Variants in RASSF8 observed in about 807,000 individuals in gnomAD.
RASSF8 encodes ras association domain-containing protein 8.
Under a neutral mutation model 48.5 loss-of-function variants are expected in RASSF8, and 22 were observed. The observed-to-expected ratio is 0.45, with a 90% CI of 0.32 to 0.65. The LOEUF (loss-of-function observed/expected upper bound fraction) is 0.65. Among genes scored for constraint, RASSF8 ranks in the 30% least tolerant of loss-of-function variants. The probability of loss-of-function intolerance (pLI) is 0.03; values close to 1 mark genes in which losing one functional copy is unlikely to be tolerated. For synonymous variants in RASSF8, 127 were observed against 171.5 expected (o/e 0.74, Z 2.03); for missense variants, 418 against 489.2 (o/e 0.85, Z 1.37).
intron 2 of RASSF8, among the ~76,000 whole-genome samples, chr12:26,052,283 T>TC (rs1246968365): frequency 6.6e-6 from 1 of 152,220 alleles, no homozygotes; most frequent in Non-Finnish European, 1.5e-5. Context: ...GTAATATGTT[T>TC]CCACAAATGC....
chr12:26,049,073 T>G (rs1277860417), intron 2 of RASSF8, among the ~76,000 whole-genome samples: 1 of 152,190 alleles, frequency 6.6e-6, no homozygotes, highest in East Asian at 1.9e-4. Flanking sequence ...TCATCTTTTT[T>G]AAGGTATGGT....
intron 2 of RASSF8, among the ~76,000 whole-genome samples, chr12:26,023,263 T>G (rs949948978): frequency 9.2e-5 from 14 of 152,266 alleles, no homozygotes; most frequent in African/African-American, 3.4e-4. Context: ...AGCTGAAAAC[T>G]TCTGAGATTT....
intron 1 of RASSF8, among the ~76,000 whole-genome samples, chr12:25,961,446 T>G (rs1258923864): frequency 1.3e-5 from 2 of 152,216 alleles, no homozygotes; most frequent in Non-Finnish European, 1.5e-5. Flanking sequence ...TCTTCTTTGA[T>G]GCTAACTTGC....
downstream of RASSF8, among the ~76,000 whole-genome samples, chr12:26,077,406 T>C (rs1944081989): frequency 6.6e-6 from 1 of 152,230 alleles, no homozygotes; most frequent in African/African-American, 2.4e-5. Context: ...GTCTAACACT[T>C]AAGTCCTTAA....
chr12:26,018,548 A>G (rs1942708321), intron 2 of RASSF8, among the ~76,000 whole-genome samples: 1 of 152,218 alleles, frequency 6.6e-6, no homozygotes. Flanking sequence ...TTAGAGGATG[A>G]TAAAGTTGTC....
intron 2 of RASSF8, among the ~76,000 whole-genome samples, chr12:26,041,367 G>A (rs1031209199): frequency 2.0e-5 from 3 of 152,090 alleles, no homozygotes; most frequent in Admixed American, 2.0e-4. Context: ...TTCTTCAGGA[G>A]CTCAGTTGGA....
At chr12:26,012,685 T>TC (rs1555164300) in intron 2 of RASSF8, among the ~76,000 whole-genome samples, 1 of 148,794 alleles carries the variant, frequency 6.7e-6, no homozygotes, top group African/African-American at 2.5e-5. Context: ...CTTTTTTCTT[T>TC]TTTTTTTTTT....
chr12:26,004,051 C>T (rs1942326808), intron 2 of RASSF8, among the ~76,000 whole-genome samples: 1 of 152,002 alleles, frequency 6.6e-6, no homozygotes, highest in South Asian at 2.1e-4. Flanking sequence ...GTGACATATG[C>T]CTATAGTCCC....
At chr12:26,004,860 A>G (rs930831506) in intron 2 of RASSF8, among the ~76,000 whole-genome samples, 7 of 152,192 alleles carry the variant, frequency 4.6e-5, no homozygotes, top group South Asian at 2.1e-4. Flanking sequence ...AAGTAATACA[A>G]TAAGTGAAAG....
intron 2 of RASSF8, among the ~76,000 whole-genome samples, chr12:26,043,805 C>T (rs1943316355): frequency 1.3e-5 from 2 of 152,094 alleles, no homozygotes; most frequent in South Asian, 2.1e-4. Context: ...CATAATGTAA[C>T]GCCAAAGAAA....
chr12:25,973,837 C>G (rs962026837), intron 1 of RASSF8: 1 of 152,246 alleles, frequency 6.6e-6, no homozygotes, highest in African/African-American at 2.4e-5. Flanking sequence ...GTGCCATAAT[C>G]ATGAACTTCC....
At chr12:25,976,206 T>G (rs1334484985) in intron 1 of RASSF8, among the ~76,000 whole-genome samples, 1 of 152,074 alleles carries the variant, frequency 6.6e-6, no homozygotes, top group Non-Finnish European at 1.5e-5. Context: ...AGGACTAAAT[T>G]GAAAGGAAAA....
chr12:26,066,985 G>A (rs1026402880), intron 4 of RASSF8, among the ~76,000 whole-genome samples: 1 of 152,226 alleles, frequency 6.6e-6, no homozygotes, highest in African/African-American at 2.4e-5. Context: ...TGAGAATCTT[G>A]TGGGAATCTT....
intron 2 of RASSF8, among the ~76,000 whole-genome samples, chr12:26,045,947 C>G (rs1943364257): frequency 6.6e-6 from 1 of 152,140 alleles, no homozygotes; most frequent in Admixed American, 6.5e-5. Context: ...TGGCCCATAC[C>G]TATTCAGGTG....
chr12:25,969,033 A>G (rs1004582654), intron 1 of RASSF8, among the ~76,000 whole-genome samples: 1 of 152,210 alleles, frequency 6.6e-6, no homozygotes, highest in Non-Finnish European at 1.5e-5. Context: ...CAGTGCTCAC[A>G]TGTGTACCCA....
chr12:26,067,079 A>G (rs773604054), intron 4 of RASSF8, among the ~76,000 whole-genome samples: 4 of 152,370 alleles, frequency 2.6e-5, no homozygotes, highest in South Asian at 2.1e-4. Context: ...CTCTAAATCC[A>G]TGGAACAAAT....
At chr12:26,024,896 G>A (rs1393203568) in intron 2 of RASSF8, among the ~76,000 whole-genome samples, 1 of 152,146 alleles carries the variant, frequency 6.6e-6, no homozygotes, top group Non-Finnish European at 1.5e-5. Flanking sequence ...GGCGGAGCTT[G>A]CAGTGAGCCA....
chr12:25,995,738 CTT>C (rs779678237), intron 2 of RASSF8, among the ~76,000 whole-genome samples: 32 of 152,232 alleles, frequency 2.1e-4, no homozygotes, highest in South Asian at 4.1e-4. Flanking sequence ...TATATCATCT[CTT>C]GTCTCTTGAG....
intron 3 of RASSF8, among the ~76,000 whole-genome samples, chr12:26,056,863 A>G (rs967158097): frequency 2.0e-5 from 3 of 152,178 alleles, no homozygotes; most frequent in African/African-American, 7.2e-5. Flanking sequence ...TATTCTTTCT[A>G]TGAGCTTATT....
Sources: gnomAD v4.1 joint callset for allele counts (sites outside exome capture counted in the v4.1 genomes callset) on GRCh38, gnomAD v4.1.1 for gene constraint, MANE v1.5 for transcripts, NCBI Gene and HGNC (gene_info 2026-07-23, HGNC 2026-07-21) for gene names.